NPSR1: variants seen among roughly 807,000 people sequenced by gnomAD.
NPSR1 encodes the protein neuropeptide S receptor 1, also known as neuropeptide S receptor.
Under a neutral mutation model 46.9 loss-of-function variants are expected in NPSR1, and 48 were observed. The ratio of observed to expected loss-of-function variants is 1.02; its 90% CI spans 0.81 to 1.30. NPSR1 has a LOEUF of 1.30. Among genes scored for constraint, NPSR1 ranks in the 50% most tolerant of loss-of-function variants. The probability of loss-of-function intolerance (pLI) is 0.00; values close to 1 mark genes in which losing one functional copy is unlikely to be tolerated. For synonymous variants in NPSR1, 176 were observed against 168.1 expected, an observed-to-expected ratio of 1.05 and a Z score of -0.36; for missense variants, 450 against 449.5, an observed-to-expected ratio of 1.00 and a Z score of -0.01.
At chr7:34,703,122 G>C (rs1254622144) in intron 2 of NPSR1, among the ~76,000 whole-genome samples, 1 of 152,206 alleles carries the variant, frequency 6.6e-6, no homozygotes, top group African/African-American at 2.4e-5. Context: ...CACTTTGGGA[G>C]GCCAAGGCGG....
chr7:34,807,586 T>C (rs1194685575), intron 3 of NPSR1, among the ~76,000 whole-genome samples: 1 of 152,166 alleles, frequency 6.6e-6, no homozygotes, highest in Non-Finnish European at 1.5e-5. Flanking sequence ...TTTCTTGATA[T>C]ACCTTTGGCC....
chr7:34,843,354 C>A (rs1390621649), intron 6 of NPSR1, among the ~76,000 whole-genome samples: 1 of 152,182 alleles, frequency 6.6e-6, no homozygotes, highest in Non-Finnish European at 1.5e-5. Flanking sequence ...GAACGTCAAG[C>A]CAAACTCGTC....
rs532009256 is a variant in NPSR1, at chr7:34,702,032, G to A, written c.280+17348G>A. ...TTATCTTATGTAAAGAAGTCCGGAC[G>A]TAGGTAATCCAGGGCTCGTGCTGCA... On this transcript the variant is annotated intron_variant, in intron 2 of 8. Coordinates refer to ENST00000360581, the MANE Select transcript of NPSR1 (RefSeq NM_207172.2). Among the ~76,000 whole-genome samples the A allele has an allele frequency of 7.2e-5, 11 of 152,308 alleles. No individual in the cohort carries two copies. In the South Asian group the frequency reaches 1.0e-3, roughly 14 times the overall value.
chr7:34,872,774 T>A (rs1050711200), intron 8 of NPSR1, among the ~76,000 whole-genome samples: 2 of 151,698 alleles, frequency 1.3e-5, no homozygotes, highest in Non-Finnish European at 2.9e-5. Context: ...CAGGAAATAC[T>A]TCCCCCCATG....
intron 8 of NPSR1, among the ~76,000 whole-genome samples, chr7:34,856,183 G>T (rs1391208777): frequency 6.6e-6 from 1 of 151,142 alleles, no homozygotes; most frequent in Non-Finnish European, 1.5e-5. Context: ...TAAGATAAAA[G>T]GTATATGGAT....
chr7:34,774,498 T>G (rs1786851993), intron 2 of NPSR1, among the ~76,000 whole-genome samples: 1 of 152,172 alleles, frequency 6.6e-6, no homozygotes, highest in African/African-American at 2.4e-5. Context: ...CTCATAATGG[T>G]CAGTTCCAAA....
intron 2 of NPSR1, among the ~76,000 whole-genome samples, chr7:34,729,126 C>A (rs1784301524): frequency 6.6e-6 from 1 of 152,130 alleles, no homozygotes; most frequent in South Asian, 2.1e-4. Flanking sequence ...GCCTTATCAA[C>A]CCACAGTCCA....
chr7:34,714,766 T>G (rs1783482833), intron 2 of NPSR1, among the ~76,000 whole-genome samples: 1 of 152,170 alleles, frequency 6.6e-6, no homozygotes, highest in African/African-American at 2.4e-5. Context: ...CAGGGCTAGG[T>G]GGGTAGGTGG....
chr7:34,727,929 A>G (rs1316887134), intron 2 of NPSR1, among the ~76,000 whole-genome samples: 1 of 152,118 alleles, frequency 6.6e-6, no homozygotes, highest in Non-Finnish European at 1.5e-5. Flanking sequence ...TTTTTTAAAA[A>G]TCCCTGATGA....
chr7:34,744,682 A>T (rs1169365797), intron 2 of NPSR1, among the ~76,000 whole-genome samples: 1 of 152,228 alleles, frequency 6.6e-6, no homozygotes, highest in African/African-American at 2.4e-5. Flanking sequence ...ATGAATAATC[A>T]ATCAGGTTTG....
rs1230966950 is a variant in NPSR1 at position 34,857,110 on chromosome 7, C to T, written c.1025+8447C>T. ...AAATCTCTATGGAGAAATTATAATA[C>T]TATTGAGATATATTCTAAAAACTAA... On this transcript the variant is annotated intron_variant, in intron 8 of 8. Coordinates refer to the NPSR1 transcript ENST00000359791. 2.6e-5 allele frequency among the ~76,000 whole-genome samples: 4 copies of T among 151,684 alleles called. No homozygotes were observed. The East Asian group carries it at 5.8e-4, about 22-fold the overall frequency.
intron 8 of NPSR1, among the ~76,000 whole-genome samples, chr7:34,855,611 C>A (rs933140086): frequency 1.1e-4 from 17 of 151,984 alleles, no homozygotes; most frequent in Non-Finnish European, 2.4e-4. Flanking sequence ...AAGGACAAAG[C>A]AACACCAATT....
intron 2 of NPSR1, among the ~76,000 whole-genome samples, chr7:34,778,083 C>T (rs1183531591): frequency 6.6e-6 from 1 of 152,082 alleles, no homozygotes; most frequent in Non-Finnish European, 1.5e-5. Context: ...AAGTATTCTC[C>T]AAAGATAACG....
At chr7:34,784,394 G>A (rs62462897) in intron 3 of NPSR1, among the ~76,000 whole-genome samples, 18,705 of 151,870 alleles carry the variant, frequency 0.12, 1,434 homozygotes, top group Non-Finnish European at 0.17. Flanking sequence ...TTAGCATGAA[G>A]GGTTGTTGAA....
intron 2 of NPSR1, among the ~76,000 whole-genome samples, chr7:34,707,446 C>T (rs1794166354): frequency 6.6e-6 from 1 of 152,216 alleles, no homozygotes; most frequent in Non-Finnish European, 1.5e-5. Context: ...AACAAGCTGA[C>T]TCCCATTCTC....
intron 5 of NPSR1, among the ~76,000 whole-genome samples, chr7:34,828,416 T>C (rs1789959692): frequency 6.6e-6 from 1 of 152,234 alleles, no homozygotes; most frequent in Non-Finnish European, 1.5e-5. Flanking sequence ...GTAGAGGGTC[T>C]TTCAACAGAG....
At chr7:34,662,657 T>C (rs1791514386) in intron 1 of NPSR1, among the ~76,000 whole-genome samples, 1 of 152,194 alleles carries the variant, frequency 6.6e-6, no homozygotes, top group Admixed American at 6.5e-5. Flanking sequence ...CTAAGGAAAT[T>C]ACTACCAGTT....
At chr7:34,781,017 A>C (rs1273258390) in intron 3 of NPSR1, among the ~76,000 whole-genome samples, 1 of 152,192 alleles carries the variant, frequency 6.6e-6, no homozygotes, top group African/African-American at 2.4e-5. Flanking sequence ...AGGGGATTTG[A>C]AAATCTCTGA....
intron 2 of NPSR1, chr7:34,750,783 C>G (rs1562701501): frequency 1.4e-6 from 1 of 691,624 alleles, no homozygotes; most frequent in East Asian, 3.1e-5. Context: ...TAGGCCAGGT[C>G]CTGCTGCACC....
Sources: allele counts gnomAD v4.1 joint callset (sites outside exome capture counted in the v4.1 genomes callset), GRCh38; gene constraint gnomAD v4.1.1; transcripts MANE v1.5; gene names NCBI Gene and HGNC (gene_info 2026-07-23, HGNC 2026-07-21).